Variants in ZNF143 observed in about 807,000 individuals in gnomAD.
ZNF143 encodes SPH-binding factor.
A neutral mutation model predicts 74.1 loss-of-function variants in ZNF143; 49 were observed. The observed-to-expected ratio is 0.66, with a 90% CI of 0.53 to 0.84. ZNF143 has a LOEUF of 0.84. Ranked by LOEUF, ZNF143 falls within the 40% of genes least tolerant of loss-of-function variation. The pLI is 0.00. For synonymous variants in ZNF143, 304 were observed against 282.8 expected (o/e 1.07, Z -0.75); for missense variants, 637 against 793.4 (o/e 0.80, Z 2.37).
intron 9 of ZNF143, among the ~76,000 whole-genome samples, chr11:9,496,698 G>A (rs149141941): frequency 0.017 from 2,526 of 152,010 alleles, 66 homozygotes; most frequent in African/African-American, 0.057. Flanking sequence ...CCAGGTTCAA[G>A]CAATTCTAGT....
chr11:9,504,919 C>T lies in ZNF143; in HGVS notation c.1147+3649C>T, dbSNP rs1426287287. ...CAATCTCTTGACCTTGTGATCCACC[C>T]GCCTCGGCCTCCCAAAGTGCTGGGA... On this transcript the variant is annotated intron_variant, in intron 11 of 15. Coordinates refer to ENST00000396602, the MANE Select transcript of ZNF143 (RefSeq NM_003442.6). Among the ~76,000 whole-genome samples the T allele has an allele frequency of 4.2e-5, 5 of 120,466 alleles. 1 individual carries two copies. The highest frequency in any genetic ancestry group is 7.9e-5 in the African/African-American group (3 of 37,964). 79.0% of individuals were successfully genotyped at this position (120,466 alleles called of 152,430 possible).
At chr11:9,516,853 T>A (rs934058381) in intron 14 of ZNF143, among the ~76,000 whole-genome samples, 6 of 152,204 alleles carry the variant, frequency 3.9e-5, no homozygotes, top group Non-Finnish European at 8.8e-5. Context: ...CTTCCAGTCA[T>A]TAAGCATATA....
At chr11:9,502,661 G>A (rs987975322) in intron 11 of ZNF143, among the ~76,000 whole-genome samples, 4 of 151,162 alleles carry the variant, frequency 2.6e-5, no homozygotes, top group Admixed American at 2.6e-4. Flanking sequence ...TCACAAGGTT[G>A]TGCAACCATC....
rs567170381 is a variant in ZNF143 at position 9,513,438 on chromosome 11, C to T, written c.1524+842C>T. Among the ~76,000 whole-genome samples, 5 of 152,356 alleles carry T rather than the reference C, an allele frequency of 3.3e-5. No homozygotes were observed. In the South Asian group the frequency reaches 1.0e-3, roughly 32 times the overall value. ...GATTATTAACCAAGTTTTAATTCTG[C>T]ATCAGCCTTAACACTTTTTCTTGAA... On this transcript the variant is annotated intron_variant, in intron 13 of 15. Transcript: ENST00000396602.
chr11:9,473,897 A>C, intron 3 of ZNF143, 44 bp from the exon 4 acceptor site: 6 of 1,613,516 alleles, frequency 3.7e-6, no homozygotes, highest in Non-Finnish European at 5.1e-6. Context: ...AAAGTTTAAA[A>C]TTTTTGTTTG....
chr11:9,525,936 A>G (rs4910473), intron 15 of ZNF143, among the ~76,000 whole-genome samples: 94,268 of 151,924 alleles, frequency 0.62, 30,377 homozygotes, highest in Middle Eastern at 0.81. Context: ...GAGCTTAGGA[A>G]TTAGAGACCA....
At chr11:9,506,798 C>CT (rs1688242266) in intron 11 of ZNF143, among the ~76,000 whole-genome samples, 1 of 152,070 alleles carries the variant, frequency 6.6e-6, no homozygotes. Context: ...AAATGCAGTC[C>CT]TTTTTTCTTT....
chr11:9,489,004 C>A (rs550106000), intron 7 of ZNF143, among the ~76,000 whole-genome samples: 1 of 152,278 alleles, frequency 6.6e-6, no homozygotes, highest in Non-Finnish European at 1.5e-5. Flanking sequence ...TCCTATCACA[C>A]CCAAATACTC....
chr11:9,513,729 C>T (rs1475084415), intron 13 of ZNF143, among the ~76,000 whole-genome samples: 1 of 152,162 alleles, frequency 6.6e-6, no homozygotes, highest in Admixed American at 6.5e-5. Flanking sequence ...AACCCCATCT[C>T]TACTAAAAAT....
intron 1 of ZNF143, among the ~76,000 whole-genome samples, chr11:9,467,328 C>A (rs1022835461): frequency 6.6e-6 from 1 of 151,718 alleles, no homozygotes; most frequent in Admixed American, 6.6e-5. Context: ...CTCCACCCTC[C>A]GGGTTCAAGT....
At chr11:9,469,554 C>G (rs1856453261) in intron 1 of ZNF143, among the ~76,000 whole-genome samples, 1 of 151,946 alleles carries the variant, frequency 6.6e-6, no homozygotes, top group Admixed American at 6.6e-5. Flanking sequence ...CAGTAGGGTA[C>G]TGGTGTTACT....
chr11:9,461,116 C>T lies in ZNF143; in HGVS notation c.-8+40C>T, dbSNP rs888026431. The stretch of plus-strand genomic sequence containing the variant: ...GTGTTTTTACCCAGTGTGCATTATT[C>T]TCCGCCTGGCCGCCGCCCTCAGCGC... On this transcript the variant is annotated intron_variant, in intron 1 of 15. Coordinates refer to ENST00000396602, the MANE Select transcript of ZNF143 (RefSeq NM_003442.6). 11 of 982,860 alleles carry T rather than the reference C, an allele frequency of 1.1e-5. No individual in the cohort carries two copies. The African/African-American group carries it at 1.9e-4, about 17-fold the overall frequency. 60.9% of individuals were successfully genotyped at this position (982,860 alleles called of 1,614,324 possible).
chr11:9,502,565 G>A (rs1274131552), intron 11 of ZNF143, among the ~76,000 whole-genome samples: 1 of 147,650 alleles, frequency 6.8e-6, no homozygotes, highest in African/African-American at 2.5e-5. Context: ...AGTTGAGATC[G>A]CACCACTGCA....
At chr11:9,495,735 C>T (rs1285255736) in intron 8 of ZNF143, among the ~76,000 whole-genome samples, 1 of 152,142 alleles carries the variant, frequency 6.6e-6, no homozygotes, top group East Asian at 1.9e-4. Context: ...AAGTTAATAC[C>T]TTACACGTAA....
At chr11:9,461,623 C>T (rs943759983) in intron 1 of ZNF143, 1 of 152,068 alleles carries the variant, frequency 6.6e-6, no homozygotes, top group African/African-American at 2.4e-5. Context: ...ATTGTTTCCC[C>T]CTCACCCTTT....
chr11:9,471,540 GA>G, intron 2 of ZNF143, 120 bp downstream of exon 2: 1 of 658,890 alleles, frequency 1.5e-6, no homozygotes, highest in Non-Finnish European at 2.3e-6. Flanking sequence ...GTCTTTTTAT[GA>G]GGTGTTTTGG....
chr11:9,481,025 C>T (rs1847215776), intron 7 of ZNF143, among the ~76,000 whole-genome samples: 1 of 152,160 alleles, frequency 6.6e-6, no homozygotes, highest in Non-Finnish European at 1.5e-5. Flanking sequence ...CTAAGCCCAT[C>T]AGCTTTGATG....
chr11:9,514,795 AG>A (rs1848666505), intron 13 of ZNF143, among the ~76,000 whole-genome samples: 2 of 152,226 alleles, frequency 1.3e-5, no homozygotes, highest in Admixed American at 1.3e-4. Context: ...AGCCTGGGGA[AG>A]TTGGTAAAGG....
At position 9,526,353 on chromosome 11, in the gene ZNF143, C is replaced by CA. The variant is rs549889343; in HGVS notation, c.1833+977dup. 4.5e-3 allele frequency among the ~76,000 whole-genome samples: 663 copies of CA among 148,212 alleles called. 4 individuals carry two copies. Among genetic ancestry groups the CA allele is most frequent in the Non-Finnish European group, 7.2e-3 (484 of 66,826 alleles). The stretch of plus-strand genomic sequence containing the variant: ...TGGGCAACAGAGCGAGACCCTGTCT[C>CA]AAAAAAAAAATTAGAATGTAAAGTA... On this transcript the variant is annotated intron_variant, in intron 15 of 15. Transcript: ENST00000396602.
Sources: gnomAD v4.1 joint callset for allele counts (sites outside exome capture counted in the v4.1 genomes callset) on GRCh38, gnomAD v4.1.1 for gene constraint, MANE v1.5 for transcripts, NCBI Gene and HGNC (gene_info 2026-07-23, HGNC 2026-07-21) for gene names.